MYOM1: variants seen among roughly 807,000 people sequenced by gnomAD.
MYOM1 encodes the protein myomesin 1.
In MYOM1, 164 loss-of-function variants were observed where a neutral mutation model predicts 205.3. That is an observed-to-expected ratio of 0.80 (90% CI 0.70 to 0.91). MYOM1 has a LOEUF of 0.91. MYOM1 is among the 40% of genes least tolerant of loss of function. The pLI is 0.00. For synonymous variants in MYOM1, 772 were observed against 789.4 expected, an observed-to-expected ratio of 0.98 and a Z score of 0.37; for missense variants, 2,011 against 2,127.3, an observed-to-expected ratio of 0.95 and a Z score of 1.08.
chr18:3,129,630 A>T (rs1456513004), intron 17 of MYOM1, 111 bp from the exon 18 acceptor site: 3 of 1,187,604 alleles, frequency 2.5e-6, no homozygotes, highest in Middle Eastern at 3.0e-4. Flanking sequence ...GAACAAAAAC[A>T]GTCTTGGCTT....
In MYOM1 at chr18:3,116,347, T is replaced by C. The variant is rs1359109150; in HGVS notation, c.3287A>G (p.Lys1096Arg). ...QWRGLNEAAI[K>R]NVYLKVRGLK... ...GCCTCTTACCTTCAGGTATACGTTT[T>C]TAATAGCCGCCTCATTGAGCCCTCG... Residue 1096 changes from lysine to arginine, a missense_variant, in exon 21 of 38, where the codon AAA becomes AGA. Physicochemically the swap from Lys to Arg is conservative, Grantham distance 26 (BLOSUM62 2). Coordinates refer to ENST00000356443, the MANE Select transcript of MYOM1 (RefSeq NM_003803.4). The C allele has an allele frequency of 6.2e-7, 1 of 1,611,678 alleles. No homozygotes were observed.
chr18:3,085,193 ATT>A (rs148266515), intron 30 of MYOM1, 61 bp from the exon 31 acceptor site: 241 of 503,910 alleles, frequency 4.8e-4, no homozygotes, highest in Non-Finnish European at 4.9e-4. Context: ...GGTATCTGTG[ATT>A]TTTTTTTTTC....
At position 3,086,030 on chromosome 18, in the gene MYOM1, T is replaced by G. The variant is rs2079148854; in HGVS notation, c.4251+8A>C. 1 of 1,536,668 alleles carries G rather than the reference T, an allele frequency of 6.5e-7. No individual in the cohort carries two copies. Among genetic ancestry groups the G allele is most frequent in the South Asian group, 1.1e-5 (1 of 89,272 alleles). The stretch of plus-strand genomic sequence containing the variant: ...AATATATTACATTTTACATTTATAA[T>G]CGCCTACCTCTGTTATAAGCAGGGT... On this transcript the variant is annotated splice_region_variant and intron_variant, in intron 30 of 37. Coordinates refer to ENST00000356443, the MANE Select transcript of MYOM1 (RefSeq NM_003803.4).
chr18:3,196,766 A>G (rs2080993895), intron 2 of MYOM1, among the ~76,000 whole-genome samples: 1 of 152,212 alleles, frequency 6.6e-6, no homozygotes. Context: ...TATGACTGGT[A>G]GCACCACAGG....
chr18:3,188,767 C>A lies in MYOM1; in HGVS notation c.752G>T (p.Arg251Leu), dbSNP rs1399905373. The change falls in exon 4 of 38, where the codon CGC becomes CTC. Residue 251 changes from arginine to leucine, a missense_variant. Arg to Leu is a moderately radical substitution (Grantham distance 102). Coordinates refer to ENST00000356443, the MANE Select transcript of MYOM1 (RefSeq NM_003803.4). The part of the protein sequence containing the change: ...RKVVIREKAE[R>L]LSLRKTLEET... ...TCTTACTGTTTTCCTCAGGGACAGG[C>A]GTTCTGCCTTTTCTCGAATCACAAC... The A allele has an allele frequency of 6.3e-7, 1 of 1,593,114 alleles. No individual in the cohort carries two copies. The highest frequency in any genetic ancestry group is 8.6e-7 in the Non-Finnish European group (1 of 1,167,940).
At chr18:3,169,092 G>C in intron 8 of MYOM1, 111 bp from the exon 9 acceptor site, 1 of 877,442 alleles carries the variant, frequency 1.1e-6, no homozygotes, top group Non-Finnish European at 1.7e-6. Flanking sequence ...ATGAACAAAT[G>C]AGCAAATGAT....
the MYOM1 span, among the ~76,000 whole-genome samples, chr18:3,226,976 T>C: frequency 6.6e-6 from 1 of 152,184 alleles, no homozygotes; most frequent in East Asian, 1.9e-4. This position sits in a 1 kb window ranked among gnomAD's most constrained non-coding sequence, Gnocchi z 4.6. Context: ...GGTGGGTAGA[T>C]TCTGGGAGAG....
chr18:3,188,354 C>T (rs933637232), intron 4 of MYOM1, among the ~76,000 whole-genome samples: 3 of 152,052 alleles, frequency 2.0e-5, no homozygotes, highest in Non-Finnish European at 4.4e-5. Flanking sequence ...CAGTGGCTCA[C>T]ACCTATAATC....
Position 3,066,877 on chromosome 18 carries a change from G to A in MYOM1, c.*385C>T, listed in dbSNP as rs2078900557. 1.1e-5 allele frequency: 2 copies of A among 181,132 alleles called. No homozygotes were observed. The highest frequency in any genetic ancestry group is 2.4e-5 in the Non-Finnish European group (2 of 84,278). The allele number at this position is 181,132 out of a possible 1,614,324, so 11.2% of individuals were successfully genotyped here. On this transcript the variant is annotated 3_prime_UTR_variant, in exon 38 of 38. Coordinates refer to ENST00000356443, the MANE Select transcript of MYOM1 (RefSeq NM_003803.4). ...GGTTCCAAGCCACGAGGCGCCCGTC[G>A]AAAAGCACATCACCTCTGTAACAAC... is the stretch of plus-strand genomic sequence containing the variant.
chr18:3,121,743 A>G (rs912619278), intron 19 of MYOM1, among the ~76,000 whole-genome samples: 2 of 152,230 alleles, frequency 1.3e-5, no homozygotes, highest in African/African-American at 2.4e-5. Flanking sequence ...CTCGGAATCT[A>G]TAACTTTTAA....
intron 14 of MYOM1, among the ~76,000 whole-genome samples, chr18:3,138,818 AGAG>A (rs1038517558): frequency 9.2e-5 from 14 of 152,338 alleles, no homozygotes; most frequent in African/African-American, 3.1e-4. Context: ...AACGTTTTCC[AGAG>A]GAGAAGACAA....
chr18:3,135,569 C>A lies in MYOM1; in HGVS notation c.2187G>T (p.Val729=). The stretch of plus-strand genomic sequence containing the variant: ...TACCAAGTTTGTCCCCTACCACAGT[C>A]ACCTCCGTTGCCTCTGAGGGCTCAC... ...GVGEPSEATE[V]TVVGDKLDIP... Residue 729 remains valine, a synonymous_variant, in exon 15 of 38, where the codon GTG becomes GTT. Transcript: ENST00000356443. This position sits in a 1 kb window ranked among gnomAD's most constrained non-coding sequence, Gnocchi z 4.1. 6.2e-7 allele frequency: 1 copy of A among 1,613,610 alleles called. No homozygotes were observed. Among genetic ancestry groups the A allele is most frequent in the South Asian group, 1.1e-5 (1 of 90,994 alleles).
intron 29 of MYOM1, among the ~76,000 whole-genome samples, chr18:3,086,563 G>A (rs187680773): frequency 3.3e-5 from 5 of 152,278 alleles, no homozygotes; most frequent in Admixed American, 6.5e-5. Flanking sequence ...ATGAGTAAGC[G>A]CCAATCTATA....
Position 3,168,983 on chromosome 18 carries a change from T to G in MYOM1, c.1175-2A>C. ...CATAACCATATGGGGTCACACCAAC[T>G]GGGTACAAAAATAACAAATATCAGT... On this transcript the variant is annotated splice_acceptor_variant, in intron 8 of 37. Transcript: ENST00000356443. LOFTEE classifies it high-confidence loss of function. 2 of 1,606,910 alleles carry G rather than the reference T, an allele frequency of 1.2e-6. No homozygotes were observed. Among genetic ancestry groups the G allele is most frequent in the Non-Finnish European group, 1.7e-6 (2 of 1,176,956 alleles).
intron 13 of MYOM1, among the ~76,000 whole-genome samples, chr18:3,147,858 T>C (rs192462147): frequency 1.3e-5 from 2 of 152,294 alleles, no homozygotes; most frequent in East Asian, 3.9e-4. Context: ...AAATTAATTT[T>C]AAATGCATCA....
chr18:3,173,908 G>A, intron 8 of MYOM1, 30 bp downstream of exon 8: 4 of 1,584,122 alleles, frequency 2.5e-6, no homozygotes, highest in Non-Finnish European at 3.5e-6. Flanking sequence ...ACATAGAGGT[G>A]ACACTTAGTA....
intron 2 of MYOM1, among the ~76,000 whole-genome samples, chr18:3,214,466 C>T (rs970980554): frequency 5.9e-4 from 90 of 152,266 alleles, no homozygotes; most frequent in African/African-American, 2.1e-3. Context: ...GCACGGGTCC[C>T]GGGTCTCCCA....
At chr18:3,107,125 C>CTTTCT (rs1555618051) in intron 22 of MYOM1, among the ~76,000 whole-genome samples, 1 of 149,788 alleles carries the variant, frequency 6.7e-6, no homozygotes, top group African/African-American at 2.5e-5. Context: ...TTAAAAATTT[C>CTTTCT]TTTTTTTTTT....
At chr18:3,116,606 C>A (rs1203278294) in intron 20 of MYOM1, 91 bp from the exon 21 acceptor site, 1 of 1,147,396 alleles carries the variant, frequency 8.7e-7, no homozygotes, top group Non-Finnish European at 1.2e-6. Flanking sequence ...TCAAGCTAAT[C>A]TAACACTGGT....
Sources: allele counts gnomAD v4.1 joint callset (sites outside exome capture counted in the v4.1 genomes callset), GRCh38; gene constraint gnomAD v4.1.1; non-coding constraint Gnocchi (gnomAD v3.1); transcripts MANE v1.5; gene names NCBI Gene and HGNC (gene_info 2026-07-23, HGNC 2026-07-21).